Variants in ANAPC1 observed in about 807,000 individuals in gnomAD.
ANAPC1 encodes the protein anaphase-promoting complex subunit 1.
ANAPC1 carries 36 observed loss-of-function variants against 208.0 expected under a neutral mutation model. The observed-to-expected ratio is 0.17, with a 90% confidence interval of 0.13 to 0.23. The LOEUF (loss-of-function observed/expected upper bound fraction) is 0.23. ANAPC1 is among the 10% of genes least tolerant of loss of function. ANAPC1 has a pLI of 1.00. For missense variants in ANAPC1, 942 were observed against 2,011.6 expected (o/e 0.47, Z 10.17); for synonymous variants, 378 against 695.2 (o/e 0.54, Z 7.18).
chr2:111,873,670 A>T lies in ANAPC1; in HGVS notation c.376-6T>A, dbSNP rs1270854093. On this transcript the variant is annotated splice_region_variant and splice_polypyrimidine_tract_variant and intron_variant, in intron 3 of 47. Coordinates refer to ENST00000341068, the MANE Select transcript of ANAPC1 (RefSeq NM_022662.4). The stretch of plus-strand genomic sequence containing the variant: ...ATGAAGTCACACCACAATGCCTAAA[A>T]TCAAAACAAAATGCTTACCTAAGAA... 6.3e-7 allele frequency: 1 copy of T among 1,583,640 alleles called. No homozygotes were observed. Among genetic ancestry groups the T allele is most frequent in the Non-Finnish European group, 8.5e-7 (1 of 1,171,938 alleles).
intron 39 of ANAPC1, among the ~76,000 whole-genome samples, chr2:111,787,992 T>C (rs1179986186): frequency 1.3e-5 from 2 of 150,802 alleles, no homozygotes; most frequent in Admixed American, 6.6e-5. Context: ...CTTTTGGGTT[T>C]AGAGCAGTTC....
rs1365657336 is a variant in ANAPC1, at chr2:111,833,247, T to C, written c.2449A>G (p.Thr817Ala). 1.2e-6 allele frequency: 2 copies of C among 1,600,768 alleles called. No individual in the cohort carries two copies. The highest frequency in any genetic ancestry group is 1.7e-6 in the Non-Finnish European group (2 of 1,169,578). Reference protein sequence around the residue: ...YRDYPTLVRTTGQVCTIDPGQ... With the variant: ...YRDYPTLVRTAGQVCTIDPGQ... ...GGATCAATTGTGCACACTTGTCCAG[T>C]AGTTCTGACAAGCGTTGGGTAGTCT... The change falls in exon 20 of 48, where the codon ACT becomes GCT. Residue 817 changes from threonine (T) to alanine (A), a missense_variant. Physicochemically the swap from Thr to Ala is moderately conservative, Grantham distance 58 (BLOSUM62 0). Transcript: ENST00000341068.
chr2:111,797,928 T>C (rs1678243192), intron 34 of ANAPC1, among the ~76,000 whole-genome samples: 2 of 119,978 alleles, frequency 1.7e-5, no homozygotes, highest in African/African-American at 7.2e-5. Flanking sequence ...GGAACACCAC[T>C]AGATACATTT....
rs753353189 is a variant in ANAPC1 at position 111,838,421 on chromosome 2, G to T, written c.2115+17C>A. 2 of 1,576,090 alleles carry T rather than the reference G, an allele frequency of 1.3e-6. No homozygotes were observed. The highest frequency in any genetic ancestry group is 2.3e-5 in the East Asian group (1 of 44,130). The stretch of plus-strand genomic sequence containing the variant: ...TCCATAAATTAATTTATATTAGCAA[G>T]AAATAATAATGCTTACATCATCAGA... On this transcript the variant is annotated intron_variant, in intron 18 of 47. Transcript: ENST00000341068.
At chr2:111,878,698 C>T in intron 3 of ANAPC1, 112 bp downstream of exon 3, 1 of 1,388,888 alleles carries the variant, frequency 7.2e-7, no homozygotes, top group Non-Finnish European at 9.8e-7. Context: ...AACGTACACC[C>T]AGCTGCTGAG....
chr2:111,880,495 TAACTC>T, intron 2 of ANAPC1, 113 bp downstream of exon 2: 1 of 1,456,898 alleles, frequency 6.9e-7, no homozygotes, highest in South Asian at 1.5e-5. Flanking sequence ...TACCACACCT[TAACTC>T]TACTCTAGAA....
At chr2:111,842,219 T>C (rs1426318334) in intron 17 of ANAPC1, among the ~76,000 whole-genome samples, 2 of 152,256 alleles carry the variant, frequency 1.3e-5, no homozygotes, top group African/African-American at 2.4e-5. Flanking sequence ...GAAATTTTCA[T>C]TGGTATTTTT....
At chr2:111,847,901 T>C (rs770949723) in intron 14 of ANAPC1, 36 bp from the exon 15 acceptor site, 19 of 1,505,890 alleles carry the variant, frequency 1.3e-5, no homozygotes, top group East Asian at 2.4e-5. Context: ...AAATGAATTG[T>C]TTTCTGAGAA....
chr2:111,775,241 G>C (rs1271147886), intron 46 of ANAPC1, among the ~76,000 whole-genome samples: 1 of 152,172 alleles, frequency 6.6e-6, no homozygotes, highest in Non-Finnish European at 1.5e-5. Flanking sequence ...ACTCCACCCT[G>C]GCGACAGAGC....
At chr2:111,860,781 C>A (rs12466965) in intron 10 of ANAPC1, among the ~76,000 whole-genome samples, 84,035 of 149,492 alleles carry the variant, frequency 0.56, 24,099 homozygotes, top group Non-Finnish European at 0.64. Flanking sequence ...GCCCTCTTCT[C>A]ATTCTACACC....
rs550084145 is a variant in ANAPC1, at chr2:111,865,320, T to C, written c.686-369A>G. Reference sequence around the variant, plus strand: ...TATTCTGCCAAGTTTGACTTCCTTATTGGTTCTGTTTTTCTGTATGAAAGC... The same window carrying C: ...TATTCTGCCAAGTTTGACTTCCTTACTGGTTCTGTTTTTCTGTATGAAAGC... On this transcript the variant is annotated intron_variant, in intron 7 of 47. Coordinates refer to ENST00000341068, the MANE Select transcript of ANAPC1 (RefSeq NM_022662.4). Among the ~76,000 whole-genome samples the C allele has an allele frequency of 1.2e-4, 19 of 152,368 alleles. No homozygotes were observed. The East Asian group carries it at 2.7e-3, about 22-fold the overall frequency.
At chr2:111,833,907 G>C (rs553518100) in intron 19 of ANAPC1, among the ~76,000 whole-genome samples, 1 of 152,042 alleles carries the variant, frequency 6.6e-6, no homozygotes, top group Non-Finnish European at 1.5e-5. Flanking sequence ...TTAACTCAGA[G>C]GTTGACATTT....
intron 1 of ANAPC1, among the ~76,000 whole-genome samples, chr2:111,882,343 G>A (rs1423604822): frequency 1.3e-5 from 2 of 152,220 alleles, no homozygotes; most frequent in East Asian, 3.9e-4. Context: ...CTGCTCATAG[G>A]GCAAGAATCC....
At position 111,863,806 on chromosome 2, in the gene ANAPC1, G is replaced by A. The variant is rs370635958; in HGVS notation, c.921C>T (p.Ser307=). The A allele has an allele frequency of 6.2e-7, 1 of 1,613,966 alleles. No homozygotes were observed. The highest frequency in any genetic ancestry group is 1.7e-5 in the Admixed American group (1 of 60,012). The change falls in exon 9 of 48, where the codon AGC becomes AGT. Residue 307 remains serine (S), a synonymous_variant. Transcript: ENST00000341068. ...TCACAGGGGAATCTCCTTTGGAGAG[G>A]CTTCTGAGATGTGCTGTGAGGGAGC... ...TSSSLTAHLR[S]LSKGDSPVTS...
At chr2:111,883,270 C>T (rs1683417984) in intron 1 of ANAPC1, among the ~76,000 whole-genome samples, 1 of 149,976 alleles carries the variant, frequency 6.7e-6, no homozygotes, top group Non-Finnish European at 1.5e-5. Flanking sequence ...CCAACATCAA[C>T]GAACTTTTGA....
chr2:111,880,700 C>T lies in ANAPC1; in HGVS notation c.126G>A (p.Leu42=), dbSNP rs768178648. Residue 42 remains leucine, a synonymous_variant, in exon 2 of 48, where the codon CTG becomes CTA. Coordinates refer to ENST00000341068, the MANE Select transcript of ANAPC1 (RefSeq NM_022662.4). ...AAGACCATAATTCAGAAGCTGGCTG[C>T]AGCTGGCGAAGTTGAAGGTTCAAAG... ...PNALNLQLRQ[L]QPASELWSSD... 4.3e-6 allele frequency: 7 copies of T among 1,613,884 alleles called. No homozygotes were observed. In the East Asian group the frequency reaches 1.3e-4, roughly 31 times the overall value.
At position 111,805,829 on chromosome 2, in the gene ANAPC1, G is replaced by C; in HGVS notation, c.3897C>G (p.Gly1299=). 2.7e-6 allele frequency: 1 copy of C among 372,630 alleles called. No homozygotes were observed. Among genetic ancestry groups the C allele is most frequent in the Non-Finnish European group, 4.6e-6 (1 of 215,496 alleles). 23.1% of individuals were successfully genotyped at this position (372,630 alleles called of 1,614,324 possible). A position where few individuals can be genotyped will look rare whatever the true frequency, so the allele number is the denominator to read the frequency against. The change falls in exon 30 of 48, where the codon GGC becomes GGG. Residue 1299 remains glycine (G), a synonymous_variant. Coordinates refer to ENST00000341068, the MANE Select transcript of ANAPC1 (RefSeq NM_022662.4). ...CCAAGCAGACCATGCCCAGGGCCAA[G>C]CCAGCAGCTAAGGAGTATGACTCTC... ...TDRESYSLAA[G]LALGMVCLGH... is the part of the protein sequence containing the mutation.
intron 39 of ANAPC1, among the ~76,000 whole-genome samples, chr2:111,786,993 C>G (rs1220554051): frequency 6.6e-6 from 1 of 150,450 alleles, no homozygotes; most frequent in Non-Finnish European, 1.5e-5. Context: ...CTAAAATATA[C>G]AAAAAGTTAG....
Position 111,880,765 on chromosome 2 carries a change from C to T in ANAPC1, c.61G>A (p.Val21Ile), listed in dbSNP as rs1683258650. 6 of 1,613,926 alleles carry T rather than the reference C, an allele frequency of 3.7e-6. No individual in the cohort carries two copies. Among genetic ancestry groups the T allele is most frequent in the Non-Finnish European group, 2.5e-6 (3 of 1,179,868 alleles). Residue 21 changes from valine to isoleucine, a missense_variant, in exon 2 of 48, where the codon GTT becomes ATT. By Grantham distance (29) the Val-to-Ile change is conservative. Transcript: ENST00000341068. ...MIAARDLQEF[V>I]PFGRDHCKHH... Reference sequence around the variant, plus strand: ...TTGCAGTGGTCTCGACCAAAAGGAACAAATTCCTGCAAATCCCTTGCTGCA... The same window carrying T: ...TTGCAGTGGTCTCGACCAAAAGGAATAAATTCCTGCAAATCCCTTGCTGCA...
Sources: allele counts gnomAD v4.1 joint callset (sites outside exome capture counted in the v4.1 genomes callset), GRCh38; gene constraint gnomAD v4.1.1; transcripts MANE v1.5; gene names NCBI Gene and HGNC (gene_info 2026-07-23, HGNC 2026-07-21).